Variants in DHRS12 observed in about 807,000 individuals in gnomAD.
DHRS12 encodes the protein dehydrogenase/reductase SDR family member 12.
Under a neutral mutation model 32.1 loss-of-function variants are expected in DHRS12, and 29 were observed. That is an observed-to-expected ratio of 0.90 (90% CI 0.67 to 1.23). DHRS12 has a LOEUF of 1.23. DHRS12 is among the 50% of genes most tolerant of loss of function. The pLI, the probability that DHRS12 is intolerant of heterozygous loss-of-function variation, is 0.00. For synonymous variants in DHRS12, 150 were observed against 135.9 expected, an observed-to-expected ratio of 1.10 and a Z score of -0.72; for missense variants, 330 against 337.2, an observed-to-expected ratio of 0.98 and a Z score of 0.17.
At position 51,774,093 on chromosome 13, in the gene DHRS12, C is replaced by T. The variant is rs1047216421; in HGVS notation, c.364-59G>A. On this transcript the variant is annotated intron_variant, in intron 5 of 8. Transcript: ENST00000444610. ...AGCCTGTGACCCCTTCCACTCTTCA[C>T]CCCCTGTAGAGCAGTGCTTCTTGCT... 4.7e-6 allele frequency: 7 copies of T among 1,501,824 alleles called. No homozygotes were observed. In the African/African-American group the frequency reaches 6.9e-5, roughly 15 times the overall value. The allele number at this position is 1,501,824 out of a possible 1,614,324, so 93.0% of individuals were successfully genotyped here.
rs879222194 is a variant in DHRS12, at chr13:51,777,057, C to G, written c.363+3G>C. On this transcript the variant is annotated splice_donor_region_variant and intron_variant, in intron 5 of 8. Coordinates refer to ENST00000444610, the MANE Select transcript of DHRS12 (RefSeq NM_001377533.1). Reference sequence around the variant, plus strand: ...CTCAAAACATCCCATAAGGTCAACTCACCACTCGGGGGTCGTGTTCTTTCT... The same window carrying G: ...CTCAAAACATCCCATAAGGTCAACTGACCACTCGGGGGTCGTGTTCTTTCT... The G allele has an allele frequency of 6.2e-7, 1 of 1,614,140 alleles. No individual in the cohort carries two copies. Among genetic ancestry groups the G allele is most frequent in the Non-Finnish European group, 8.5e-7 (1 of 1,180,018 alleles).
chr13:51,774,392 C>G (rs1275960372), intron 5 of DHRS12: 2 of 148,132 alleles, frequency 1.4e-5, no homozygotes, highest in African/African-American at 5.0e-5. Context: ...CTACAGTATT[C>G]TCCTACATGT....
rs1314930244 is a variant in DHRS12 at position 51,782,628 on chromosome 13, T to C, written c.302-5507A>G. On this transcript the variant is annotated intron_variant, in intron 4 of 8. Transcript: ENST00000444610. This position sits in a 1 kb window ranked among gnomAD's most constrained non-coding sequence, Gnocchi z 4.2. ...CATGAGAGGCTGGTGGAGGAAGTGC[T>C]GTGCAGGCTTTTCTCCAGGGCCTAG... Among the ~76,000 whole-genome samples, 1 of 152,098 alleles carries C rather than the reference T, an allele frequency of 6.6e-6. No homozygotes were observed. Among genetic ancestry groups the C allele is most frequent in the Non-Finnish European group, 1.5e-5 (1 of 68,022 alleles).
chr13:51,785,156 A>G (rs1324486149), intron 4 of DHRS12, among the ~76,000 whole-genome samples: 4 of 152,176 alleles, frequency 2.6e-5, no homozygotes, highest in Admixed American at 1.3e-4. Flanking sequence ...TGAGCCCAAG[A>G]GATGGAGGTT....
chr13:51,756,533 C>T, the DHRS12 span: 8 of 1,524,052 alleles, frequency 5.2e-6, no homozygotes, highest in East Asian at 2.3e-5. Context: ...CACTCAGCGC[C>T]GCAACCATCA....
At chr13:51,760,859 G>C in the DHRS12 span, 1 of 152,300 alleles carries the variant, frequency 6.6e-6, no homozygotes, top group Non-Finnish European at 1.5e-5. Flanking sequence ...AGTAACACTT[G>C]CTTGCCCACT....
chr13:51,791,295 A>G, intron 2 of DHRS12, 38 bp from the exon 3 acceptor site: 4 of 1,234,704 alleles, frequency 3.2e-6, no homozygotes, highest in Non-Finnish European at 4.5e-6. Flanking sequence ...ACCCTTTTTA[A>G]AAAGATATAA....
intron 4 of DHRS12, among the ~76,000 whole-genome samples, chr13:51,779,969 G>C (rs1241853471): frequency 1.3e-5 from 2 of 152,154 alleles, no homozygotes; most frequent in East Asian, 3.9e-4. Context: ...TTGAGGTCAG[G>C]AGTTCAAGAC....
chr13:51,786,112 G>A (rs768428570), intron 4 of DHRS12, among the ~76,000 whole-genome samples: 3 of 152,200 alleles, frequency 2.0e-5, no homozygotes, highest in African/African-American at 4.8e-5. Context: ...AATGTCAAGC[G>A]ACAACACTCT....
intron 1 of DHRS12, chr13:51,803,454 G>C (rs1368385724): frequency 6.6e-6 from 1 of 152,192 alleles, no homozygotes; most frequent in Admixed American, 6.5e-5. Flanking sequence ...TCCGTCACAG[G>C]AACCTGTCAC....
At chr13:51,777,894 G>T (rs575447710) in intron 4 of DHRS12, among the ~76,000 whole-genome samples, 1 of 152,214 alleles carries the variant, frequency 6.6e-6, no homozygotes, top group Non-Finnish European at 1.5e-5. Flanking sequence ...TTATTACTCT[G>T]TGTTTACAAA....
At chr13:51,781,963 GGGCAGAGT>G (rs1330620418) in intron 4 of DHRS12, among the ~76,000 whole-genome samples, 1 of 152,156 alleles carries the variant, frequency 6.6e-6, no homozygotes, top group African/African-American at 2.4e-5. Flanking sequence ...GCAGTGGCTT[GGGCAGAGT>G]GGTCGCAGTG....
intron 2 of DHRS12, among the ~76,000 whole-genome samples, chr13:51,791,538 A>G (rs1955271309): frequency 1.3e-5 from 2 of 152,160 alleles, no homozygotes; most frequent in South Asian, 4.1e-4. Flanking sequence ...GCATTGTTCT[A>G]CATCCGTGTT....
At chr13:51,797,692 G>T in intron 2 of DHRS12, 1 of 878,340 alleles carries the variant, frequency 1.1e-6, no homozygotes. Flanking sequence ...CTCCCTGCTG[G>T]CCGAGGCTGC....
Position 51,768,064 on chromosome 13 carries a change from C to T in DHRS12, c.*123G>A, listed in dbSNP as rs1337754340. The stretch of plus-strand genomic sequence containing the variant: ...AAAAGTTCCCATCCCTTGTAGGCCT[C>T]GCTGTGAGGCACAACGTCTTCGAGG... On this transcript the variant is annotated 3_prime_UTR_variant, in exon 9 of 9. Transcript: ENST00000444610. The T allele has an allele frequency of 4.8e-6, 7 of 1,465,020 alleles. No homozygotes were observed. The African/African-American group carries it at 5.7e-5, about 12-fold the overall frequency. The allele number at this position is 1,465,020 out of a possible 1,614,324, so 90.8% of individuals were successfully genotyped here.
intron 4 of DHRS12, among the ~76,000 whole-genome samples, chr13:51,785,512 A>G (rs1333079032): frequency 1.3e-5 from 2 of 152,210 alleles, no homozygotes; most frequent in African/African-American, 4.8e-5. Flanking sequence ...ACTGGATATC[A>G]TGTCCAGTTA....
chr13:51,774,113 C>T, intron 5 of DHRS12, 79 bp from the exon 6 acceptor site: 1 of 1,373,808 alleles, frequency 7.3e-7, no homozygotes, highest in Non-Finnish European at 1.0e-6. Flanking sequence ...AGCAGTGCTT[C>T]TTGCTGTTGT....
intron 7 of DHRS12, chr13:51,770,945 CTATCTT>C (rs1460096563): frequency 7.7e-7 from 1 of 1,291,904 alleles, no homozygotes; most frequent in African/African-American, 1.5e-5. Flanking sequence ...CTTGTTTTCC[CTATCTT>C]TATTTCTTAG....
chr13:51,794,562 T>C (rs909429957), intron 2 of DHRS12, among the ~76,000 whole-genome samples: 1 of 152,108 alleles, frequency 6.6e-6, no homozygotes, highest in Non-Finnish European at 1.5e-5. Context: ...CAATCACCCA[T>C]AAGACATAAG....
Sources: allele counts gnomAD v4.1 joint callset (sites outside exome capture counted in the v4.1 genomes callset), GRCh38; gene constraint gnomAD v4.1.1; non-coding constraint Gnocchi (gnomAD v3.1); transcripts MANE v1.5; gene names NCBI Gene and HGNC (gene_info 2026-07-23, HGNC 2026-07-21).